Variants in FAM151A observed in about 807,000 individuals in gnomAD.
FAM151A encodes family with sequence similarity 151 member A, also known as protein FAM151A.
A neutral mutation model predicts 40.4 loss-of-function variants in FAM151A; 41 were observed. The observed-to-expected ratio is 1.01, with a 90% CI of 0.79 to 1.32. The LOEUF is 1.32. Ranked by LOEUF, FAM151A falls within the 40% of genes most tolerant of loss-of-function variation. The pLI is 0.00. For synonymous variants in FAM151A, 337 were observed against 312.5 expected (o/e 1.08, Z -0.83); for missense variants, 740 against 740.4 (o/e 1.00, Z 0.01).
In FAM151A at chr1:54,614,844, A is replaced by C; in HGVS notation, c.431T>G (p.Phe144Cys). 1 of 1,613,864 alleles carries C rather than the reference A, an allele frequency of 6.2e-7. No individual in the cohort carries two copies. ...GSSQKGIKLDFKNIKAVGPSL... is the reference protein window; with the variant it reads ...GSSQKGIKLDCKNIKAVGPSL... ...GGGGCCCACTGCCTTGATGTTCTTG[A>C]AGTCCAGTTTGATGCCTGTGGGGAA... The change falls in exon 4 of 8, where the codon TTC becomes TGC. Residue 144 changes from phenylalanine (F) to cysteine (C), a missense_variant. Transcript: ENST00000302250.
Position 54,611,638 on chromosome 1 carries a change from T to A in FAM151A, c.908A>T (p.Glu303Val), listed in dbSNP as rs1178315027. ...AVHQVYYDIF[E>V]PLLSQFKQLA... is the part of the protein sequence containing the mutation. The stretch of plus-strand genomic sequence containing the variant: ...CTGCTTGAACTGTGACAGGAGAGGC[T>A]CAAAGATGTCATAGTAGACTTGGTG... Residue 303 changes from glutamate to valine, a missense_variant, in exon 6 of 8, where the codon GAG (glutamate) becomes GTG (valine). Coordinates refer to ENST00000302250, the MANE Select transcript of FAM151A (RefSeq NM_176782.3). 1 of 1,613,942 alleles carries A rather than the reference T, an allele frequency of 6.2e-7. No individual in the cohort carries two copies. The highest frequency in any genetic ancestry group is 8.5e-7 in the Non-Finnish European group (1 of 1,179,968).
At chr1:54,610,736 T>C in intron 6 of FAM151A, 181 bp from the exon 7 acceptor site, 1 of 915,342 alleles carries the variant, frequency 1.1e-6, no homozygotes, top group Non-Finnish European at 1.3e-6. Context: ...CAAGGTCTTA[T>C]AAGCAGTAAG....
chr1:54,612,742 G>C, intron 4 of FAM151A, 32 bp from the exon 5 acceptor site: 1 of 1,557,386 alleles, frequency 6.4e-7, no homozygotes, highest in Non-Finnish European at 8.8e-7. Context: ...TGGTCTCACG[G>C]AGCTGCAGCG....
chr1:54,623,160 A>C, intron 1 of FAM151A, 118 bp downstream of exon 1: 2 of 690,068 alleles, frequency 2.9e-6, no homozygotes, highest in Non-Finnish European at 5.0e-6. Flanking sequence ...CTGGGCAACA[A>C]GAGCAAAACT....
chr1:54,617,946 C>T (rs1000767734), intron 2 of FAM151A, among the ~76,000 whole-genome samples: 1 of 151,818 alleles, frequency 6.6e-6, no homozygotes, highest in Non-Finnish European at 1.5e-5. Context: ...AGCCTTGTCT[C>T]GAACTCCTGA....
chr1:54,611,348 C>T (rs377519121), intron 6 of FAM151A, among the ~76,000 whole-genome samples: 9 of 151,982 alleles, frequency 5.9e-5, no homozygotes, highest in Admixed American at 3.3e-4. Flanking sequence ...TACAGGGAGC[C>T]GAGATTGCGC....
rs757558126 is a variant in FAM151A at position 54,609,555 on chromosome 1, C to T, written c.1471G>A (p.Glu491Lys). 34 of 1,612,590 alleles carry T rather than the reference C, an allele frequency of 2.1e-5. 2 individuals are homozygous for T. In the South Asian group the frequency reaches 3.7e-4, roughly 18 times the overall value. ...TCTAGCATATCTGTGAGCAGCTGTT[C>T]CCTGTAGCCACTGCCCAGCACCTCC... ...PEEVLGSGYR[E>K]QLLTDMLELC... The change falls in exon 8 of 8, where the codon GAA becomes AAA. Residue 491 changes from glutamate (E) to lysine (K), a missense_variant. Glu to Lys is a moderately conservative substitution (Grantham distance 56, BLOSUM62 1). Transcript: ENST00000302250.
rs185210837 is a variant in FAM151A, at chr1:54,620,926, G to A, written c.119-919C>T. On this transcript the variant is annotated intron_variant, in intron 1 of 7. Transcript: ENST00000302250. The stretch of plus-strand genomic sequence containing the variant: ...TGTAATCCTAGCACTTTGGGAAGCC[G>A]AGGTGGGTGGATTGCCTGAGCTCAG... Among the ~76,000 whole-genome samples the A allele has an allele frequency of 2.0e-3, 300 of 147,776 alleles. 2 individuals carry two copies. Among genetic ancestry groups the A allele is most frequent in the Middle Eastern group, 0.011 (3 of 278 alleles).
intron 5 of FAM151A, among the ~76,000 whole-genome samples, chr1:54,612,187 G>GC (rs1213947714): frequency 2.0e-5 from 3 of 151,872 alleles, no homozygotes; most frequent in African/African-American, 7.3e-5. Flanking sequence ...AATCTGTGTA[G>GC]CCCCAGGGGT....
At chr1:54,614,169 C>G (rs1417692193) in intron 4 of FAM151A, among the ~76,000 whole-genome samples, 2 of 152,216 alleles carry the variant, frequency 1.3e-5, no homozygotes, top group African/African-American at 4.8e-5. Context: ...AAGACATTCT[C>G]TCTCTTTGTA....
Position 54,609,463 on chromosome 1 carries a change from T to C in FAM151A, c.1563A>G (p.Thr521=), listed in dbSNP as rs770438918. 1 of 1,613,610 alleles carries C rather than the reference T, an allele frequency of 6.2e-7. No individual in the cohort carries two copies. The highest frequency in any genetic ancestry group is 1.1e-5 in the South Asian group (1 of 91,092). The change falls in exon 8 of 8, where the codon ACA becomes ACG. Residue 521 remains threonine, a synonymous_variant. Coordinates refer to ENST00000302250, the MANE Select transcript of FAM151A (RefSeq NM_176782.3). The part of the protein sequence containing the change: ...QMQAMLLGHS[T]AGAIGRLLAS... Reference sequence around the variant, plus strand: ...CCAGCAGCCTGCCTATGGCTCCAGCTGTGCTGTGGCCCAGCAGCATGGCCT... The same window carrying C: ...CCAGCAGCCTGCCTATGGCTCCAGCCGTGCTGTGGCCCAGCAGCATGGCCT...
rs147370366 is a variant in FAM151A at position 54,620,036 on chromosome 1, G to A, written c.119-29C>T. ...GAAGGAATCCCAAGGGGCTGTTAGC[G>A]TCTGTCCTCGCCCCAGCCCAAGACT... is the stretch of plus-strand genomic sequence containing the variant. On this transcript the variant is annotated intron_variant, in intron 1 of 7. Coordinates refer to ENST00000302250, the MANE Select transcript of FAM151A (RefSeq NM_176782.3). 4.9e-4 allele frequency: 783 copies of A among 1,609,974 alleles called. 3 individuals carry two copies. The African/African-American group carries it at 6.8e-3, about 14-fold the overall frequency.
At chr1:54,618,064 G>T (rs564949674) in intron 2 of FAM151A, among the ~76,000 whole-genome samples, 1 of 151,642 alleles carries the variant, frequency 6.6e-6, no homozygotes, top group East Asian at 1.9e-4. Flanking sequence ...CCAGGGATGC[G>T]CCTGCTGCTG....
Position 54,614,688 on chromosome 1 carries a change from G to A in FAM151A, c.575+12C>T, listed in dbSNP as rs776888181. On this transcript the variant is annotated intron_variant, in intron 4 of 7. Coordinates refer to ENST00000302250, the MANE Select transcript of FAM151A (RefSeq NM_176782.3). ...GGCTGGACACAGCTGGGACAGAGAGGCGAACACTCACTGTGTGGCATTGAC... is the reference window on the plus strand; with the variant it reads ...GGCTGGACACAGCTGGGACAGAGAGACGAACACTCACTGTGTGGCATTGAC... 6.8e-6 allele frequency: 11 copies of A among 1,606,304 alleles called. No individual in the cohort carries two copies. Among genetic ancestry groups the A allele is most frequent in the South Asian group, 2.2e-5 (2 of 90,270 alleles).
rs930586718 is a variant in FAM151A, at chr1:54,609,964, C to T, written c.1085-23G>A. 4.4e-6 allele frequency: 7 copies of T among 1,590,876 alleles called. No individual in the cohort carries two copies. In the African/African-American group the frequency reaches 6.7e-5, roughly 15 times the overall value. ...TGTCTGGAAGAGGCGGCAGAGGCAA[C>T]AGTGTTTAGGATTTGGGTTATCATA... On this transcript the variant is annotated intron_variant, in intron 7 of 7. Coordinates refer to ENST00000302250, the MANE Select transcript of FAM151A (RefSeq NM_176782.3).
At chr1:54,618,928 T>C (rs1390349301) in intron 2 of FAM151A, among the ~76,000 whole-genome samples, 1 of 152,226 alleles carries the variant, frequency 6.6e-6, no homozygotes, top group African/African-American at 2.4e-5. Flanking sequence ...ATTATTTATA[T>C]GGAGTTGATT....
At chr1:54,619,444 T>C (rs1644207226) in intron 2 of FAM151A, among the ~76,000 whole-genome samples, 1 of 152,144 alleles carries the variant, frequency 6.6e-6, no homozygotes, top group South Asian at 2.1e-4. Context: ...ATGTTACCCA[T>C]GAAACAGATT....
chr1:54,609,418 G>A lies in FAM151A; in HGVS notation c.1608C>T (p.Thr536=), dbSNP rs141833986. ...CAGCTGGGTTGTGCTCCACTGTGAC[G>A]GTGGCCCGGGGGGAGGATGCCAGCA... The part of the protein sequence containing the change: ...GRLLASSPRA[T]VTVEHNPAGG... Residue 536 remains threonine, a synonymous_variant, in exon 8 of 8, where the codon ACC becomes ACT. Coordinates refer to ENST00000302250, the MANE Select transcript of FAM151A (RefSeq NM_176782.3). 45 of 1,613,812 alleles carry A rather than the reference G, an allele frequency of 2.8e-5. No homozygotes were observed. The highest frequency in any genetic ancestry group is 5.3e-5 in the African/African-American group (4 of 74,904).
chr1:54,621,652 G>C (rs1644230640), intron 1 of FAM151A: 1 of 152,750 alleles, frequency 6.5e-6, no homozygotes. Flanking sequence ...GACCTTGTAA[G>C]AGGGGTCCAG....
Sources: gnomAD v4.1 joint callset for allele counts (sites outside exome capture counted in the v4.1 genomes callset) on GRCh38, gnomAD v4.1.1 for gene constraint, MANE v1.5 for transcripts, NCBI Gene and HGNC (gene_info 2026-07-23, HGNC 2026-07-21) for gene names.